Variants in CDH26 observed in about 807,000 individuals in gnomAD.
The protein encoded by CDH26 is cadherin-like protein 26.
CDH26 carries 83 observed loss-of-function variants against 90.3 expected under a neutral mutation model. That is an observed-to-expected ratio of 0.92 (90% CI 0.77 to 1.10). CDH26 has a LOEUF of 1.10. Among genes scored for constraint, CDH26 ranks in the 50% least tolerant of loss-of-function variants. The probability of loss-of-function intolerance (pLI) is 0.00; values close to 1 mark genes in which losing one functional copy is unlikely to be tolerated. For synonymous variants in CDH26, 397 were observed against 396.3 expected (o/e 1.00, Z -0.02); for missense variants, 1,013 against 1,037.6 (o/e 0.98, Z 0.33).
At chr20:60,031,561 C>T in intron 8 of CDH26, 1 of 964,320 alleles carries the variant, frequency 1.0e-6, no homozygotes, top group Non-Finnish European at 1.3e-6. Flanking sequence ...TCCTCAGTTT[C>T]TTCAGATGAA....
intron 1 of CDH26, 110 bp downstream of exon 1, chr20:59,958,905 G>A (rs748671914): frequency 8.9e-5 from 97 of 1,085,992 alleles, no homozygotes; most frequent in Non-Finnish European, 1.2e-4. Context: ...AGTGTGACCT[G>A]CTGGGACCCA....
chr20:60,018,104 T>C (rs751351483), downstream of CDH26, among the ~76,000 whole-genome samples: 3 of 152,126 alleles, frequency 2.0e-5, no homozygotes, highest in Admixed American at 6.5e-5. Flanking sequence ...AAATGTTCTG[T>C]AAAGTCTACT....
chr20:59,958,853 C>A lies in CDH26; in HGVS notation c.69+58C>A, dbSNP rs78346612. 5.0e-3 allele frequency: 7,756 copies of A among 1,539,752 alleles called. 293 individuals are homozygous for A. In the African/African-American group the frequency reaches 0.085, roughly 17 times the overall value. ...CAGGGAACTGAAAGCAAAGCACAAG[C>A]TGGCCCTGCCCCTTCTAGGCTAAGG... On this transcript the variant is annotated intron_variant, in intron 1 of 17. Transcript: ENST00000348616.
In CDH26 at chr20:59,982,905, C is replaced by T; in HGVS notation, c.394-18C>T. 1.9e-6 allele frequency: 3 copies of T among 1,609,590 alleles called. No homozygotes were observed. The highest frequency in any genetic ancestry group is 1.7e-6 in the Non-Finnish European group (2 of 1,177,792). ...AGTAAATGGTTCTGCAGGATTTTTA[C>T]AGCTCTCTGCTTCCTAGGTTTATTT... On this transcript the variant is annotated intron_variant, in intron 4 of 17. Coordinates refer to ENST00000348616, the MANE Select transcript of CDH26 (RefSeq NM_177980.4).
At chr20:60,034,603 T>C (rs1176019588), downstream of CDH26, among the ~76,000 whole-genome samples, 1 of 152,170 alleles carries the variant, frequency 6.6e-6, no homozygotes, top group Non-Finnish European at 1.5e-5. Flanking sequence ...GACAGCAGTG[T>C]GGGCGCCAGG....
chr20:59,962,746 G>A (rs138593791), intron 1 of CDH26, among the ~76,000 whole-genome samples: 71 of 152,314 alleles, frequency 4.7e-4, no homozygotes, highest in African/African-American at 1.7e-3. Context: ...CCGAGGTGGT[G>A]GAAACTTTAG....
In CDH26 at chr20:60,030,351, G is replaced by C. The variant is rs2122799965; in HGVS notation, c.948-880G>C. Among the ~76,000 whole-genome samples, 1 of 152,210 alleles carries C rather than the reference G, an allele frequency of 6.6e-6. No homozygotes were observed. The highest frequency in any genetic ancestry group is 2.4e-5 in the African/African-American group (1 of 41,546). ...AGTCAATCACAGCAGAGAAACTTTG[G>C]TCTGTTGGTGTTTTAAGTATCTGGG... On this transcript the variant is annotated intron_variant, in intron 7 of 8. Transcript: ENST00000370991. This position sits in a 1 kb window ranked among gnomAD's most constrained non-coding sequence, Gnocchi z 4.0.
rs757986527 is a variant in CDH26 at position 59,958,769 on chromosome 20, C to T, written c.43C>T (p.Leu15=). The T allele has an allele frequency of 1.3e-5, 21 of 1,613,932 alleles. No individual in the cohort carries two copies. In the African/African-American group the frequency reaches 2.5e-4, roughly 19 times the overall value. The change falls in exon 1 of 18, where the codon CTA becomes TTA. Residue 15 remains leucine, a synonymous_variant. Coordinates refer to ENST00000348616, the MANE Select transcript of CDH26 (RefSeq NM_177980.4). The part of the protein sequence containing the change: ...SGRHPSLLLL[L]VLLLWLLQVS... ...GAGGCACCCCTCGCTGCTGCTGCTT[C>T]TAGTGCTGCTGCTGTGGCTGCTGCA...
intron 9 of CDH26, among the ~76,000 whole-genome samples, chr20:59,990,170 A>G (rs1056918311): frequency 6.6e-6 from 1 of 152,208 alleles, no homozygotes; most frequent in Non-Finnish European, 1.5e-5. Context: ...AAGTTCATGC[A>G]CGTTTAGCAT....
rs770818062 is a variant in CDH26, at chr20:59,988,983, G to A, written c.1103G>A (p.Arg368Lys). ...GAGGAGAGGCTCGTCTTCTGTGAGAGAGGAAAGCTTCAGCCGCCAAGGAAG... is the reference window on the plus strand; with the variant it reads ...GAGGAGAGGCTCGTCTTCTGTGAGAAAGGAAAGCTTCAGCCGCCAAGGAAG... ...ENEERLVFCE[R>K]GKLQPPRKAA... Residue 368 changes from arginine to lysine, a missense_variant, in exon 9 of 18, where the codon AGA becomes AAA. Coordinates refer to ENST00000348616, the MANE Select transcript of CDH26 (RefSeq NM_177980.4). 6 of 1,614,180 alleles carry A rather than the reference G, an allele frequency of 3.7e-6. No individual in the cohort carries two copies. The highest frequency in any genetic ancestry group is 2.2e-5 in the East Asian group (1 of 44,882).
intron 7 of CDH26, among the ~76,000 whole-genome samples, chr20:60,021,889 C>CATAT (rs1460325563): frequency 7.8e-5 from 7 of 89,928 alleles, no homozygotes; most frequent in African/African-American, 1.4e-4. Context: ...CACACACACA[C>CATAT]ACACACACAT....
At chr20:60,027,974 C>T (rs2062011774) in intron 7 of CDH26, among the ~76,000 whole-genome samples, 1 of 152,182 alleles carries the variant, frequency 6.6e-6, no homozygotes, top group Non-Finnish European at 1.5e-5. Context: ...AACATCTGAC[C>T]AGACAACTGG....
chr20:59,986,616 T>TACACACACAC (rs3043440), intron 7 of CDH26, among the ~76,000 whole-genome samples: 6 of 136,856 alleles, frequency 4.4e-5, no homozygotes, highest in South Asian at 2.5e-4. Context: ...TAAATCCCCC[T>TACACACACAC]ACACACACAC....
chr20:59,994,268 C>T lies in CDH26; in HGVS notation c.1445C>T (p.Ala482Val). The T allele has an allele frequency of 6.2e-7, 1 of 1,613,988 alleles. No individual in the cohort carries two copies. The highest frequency in any genetic ancestry group is 8.5e-7 in the Non-Finnish European group (1 of 1,179,998). ...AVDDGFPPQT[A>V]TGTLMLFLSD... ...ATACAAGGCTTCCCACCGCAGACTG[C>T]TACAGGGACCCTAATGCTCTTCCTG... The change falls in exon 11 of 18, where the codon GCT becomes GTT. Residue 482 changes from alanine to valine, a missense_variant. Transcript: ENST00000348616.
chr20:59,982,027 T>C (rs574070930), intron 4 of CDH26, among the ~76,000 whole-genome samples: 4 of 152,292 alleles, frequency 2.6e-5, no homozygotes, highest in African/African-American at 9.6e-5. Flanking sequence ...TCCATTTCAT[T>C]TAAGTTGCTG....
intron 1 of CDH26, among the ~76,000 whole-genome samples, chr20:59,959,393 C>T (rs1242524845): frequency 7.9e-5 from 12 of 151,742 alleles, no homozygotes; most frequent in African/African-American, 2.9e-4. Flanking sequence ...AGCCACCTCA[C>T]CCAGCCAACA....
intron 2 of CDH26, 107 bp downstream of exon 2, chr20:59,969,130 T>G: frequency 1.4e-6 from 1 of 690,968 alleles, no homozygotes; most frequent in Non-Finnish European, 2.6e-6. Context: ...ATGTTTGGTT[T>G]GCAGAAAATA....
At chr20:60,023,960 G>C (rs375848424) in intron 7 of CDH26, among the ~76,000 whole-genome samples, 2 of 147,204 alleles carry the variant, frequency 1.4e-5, no homozygotes, top group South Asian at 2.1e-4. Context: ...GCTGACAGAG[G>C]GAGAGAGAGA....
chr20:59,963,937 C>T (rs1413053966), intron 1 of CDH26, among the ~76,000 whole-genome samples: 1 of 152,084 alleles, frequency 6.6e-6, no homozygotes, highest in Non-Finnish European at 1.5e-5. Context: ...TTCAAGCCTG[C>T]CACAGACCCA....
Sources: allele counts gnomAD v4.1 joint callset (sites outside exome capture counted in the v4.1 genomes callset), GRCh38; gene constraint gnomAD v4.1.1; non-coding constraint Gnocchi (gnomAD v3.1); transcripts MANE v1.5; gene names NCBI Gene and HGNC (gene_info 2026-07-23, HGNC 2026-07-21).